CNTN1: variants seen among roughly 807,000 people sequenced by gnomAD.
CNTN1 encodes contactin 1, also known as contactin-1.
A neutral mutation model predicts 126.4 loss-of-function variants in CNTN1; 38 were observed. The ratio of observed to expected loss-of-function variants is 0.30; its 90% CI spans 0.23 to 0.39. The LOEUF is 0.39. Ranked by LOEUF, CNTN1 falls within the 10% of genes least tolerant of loss-of-function variation. The pLI is 1.00. For synonymous variants in CNTN1, 413 were observed against 422.6 expected (o/e 0.98, Z 0.28); for missense variants, 1,009 against 1,248.4 (o/e 0.81, Z 2.89).
chr12:40,693,823 G>A (rs902988798), intron 1 of CNTN1, among the ~76,000 whole-genome samples: 3 of 152,094 alleles, frequency 2.0e-5, no homozygotes, highest in East Asian at 1.9e-4. Flanking sequence ...GGGAAAAGCC[G>A]GAGAAGAAGC....
intron 15 of CNTN1, among the ~76,000 whole-genome samples, chr12:40,974,626 T>A (rs1419873837): frequency 6.6e-6 from 1 of 152,086 alleles, no homozygotes. Context: ...AAAATATTGT[T>A]TTTAGGATAG....
intron 1 of CNTN1, among the ~76,000 whole-genome samples, chr12:40,737,887 TAA>T (rs2097435528): frequency 6.6e-6 from 1 of 151,918 alleles, no homozygotes; most frequent in Non-Finnish European, 1.5e-5. Context: ...ACATCACAAA[TAA>T]AGAGTAATAT....
At chr12:40,885,945 G>A (rs374915243) in intron 1 of CNTN1, among the ~76,000 whole-genome samples, 5 of 152,042 alleles carry the variant, frequency 3.3e-5, no homozygotes, top group South Asian at 2.1e-4. Context: ...GTCATCAATC[G>A]TGTGTTTGTT....
intron 23 of CNTN1, among the ~76,000 whole-genome samples, chr12:41,067,551 G>C (rs1950072001): frequency 6.7e-6 from 1 of 149,194 alleles, no homozygotes; most frequent in Non-Finnish European, 1.5e-5. Context: ...CTCACTCATA[G>C]GTGGGAATTG....
intron 23 of CNTN1, among the ~76,000 whole-genome samples, chr12:41,045,341 C>A (rs527592133): frequency 1.7e-4 from 26 of 152,140 alleles, no homozygotes; most frequent in Admixed American, 3.3e-4. Context: ...AAATTTGTAA[C>A]CCTCTTAGGA....
intron 23 of CNTN1, among the ~76,000 whole-genome samples, chr12:41,038,734 C>T (rs1006720496): frequency 3.3e-5 from 5 of 151,776 alleles, no homozygotes; most frequent in East Asian, 1.9e-4. Context: ...CATTTTAAAG[C>T]GAGGAGGCAA....
At chr12:40,989,699 T>C (rs1948053700) in intron 16 of CNTN1, among the ~76,000 whole-genome samples, 1 of 152,172 alleles carries the variant, frequency 6.6e-6, no homozygotes, top group African/African-American at 2.4e-5. Context: ...AAAAATGTAT[T>C]AAGTACTTCT....
intron 23 of CNTN1, among the ~76,000 whole-genome samples, chr12:41,052,640 G>A (rs1949713746): frequency 6.6e-6 from 1 of 151,872 alleles, no homozygotes; most frequent in Admixed American, 6.6e-5. Flanking sequence ...TAACTTATAA[G>A]TAAATATTTA....
chr12:40,852,726 C>T (rs1003319760), intron 1 of CNTN1, among the ~76,000 whole-genome samples: 14 of 152,044 alleles, frequency 9.2e-5, no homozygotes, highest in African/African-American at 3.4e-4. Flanking sequence ...CTTGAATTCC[C>T]TCTTCTCCTA....
At chr12:41,037,094 G>A (rs961005807) in intron 23 of CNTN1, among the ~76,000 whole-genome samples, 2 of 152,012 alleles carry the variant, frequency 1.3e-5, no homozygotes, top group African/African-American at 4.8e-5. Context: ...ATGTATAAAG[G>A]AAGATTATAA....
At chr12:40,995,936 G>A (rs1039376110) in intron 17 of CNTN1, among the ~76,000 whole-genome samples, 4 of 152,120 alleles carry the variant, frequency 2.6e-5, no homozygotes, top group Non-Finnish European at 5.9e-5. Context: ...AACAGATGAG[G>A]AAGTTAAGAT....
intron 23 of CNTN1, among the ~76,000 whole-genome samples, chr12:41,042,069 C>T (rs1949428072): frequency 6.6e-6 from 1 of 151,928 alleles, no homozygotes; most frequent in Non-Finnish European, 1.5e-5. Context: ...ATAAATTTCC[C>T]CCTACACACT....
chr12:40,721,100 T>C (rs1271109119), intron 1 of CNTN1, among the ~76,000 whole-genome samples: 1 of 152,114 alleles, frequency 6.6e-6, no homozygotes, highest in Non-Finnish European at 1.5e-5. Flanking sequence ...AACAAATGCA[T>C]TAGTTGAATC....
chr12:40,713,242 T>C (rs928234596), intron 1 of CNTN1, among the ~76,000 whole-genome samples: 1 of 151,464 alleles, frequency 6.6e-6, no homozygotes, highest in Non-Finnish European at 1.5e-5. Context: ...TACTGCTTTC[T>C]CAAAAATATA....
intron 6 of CNTN1, among the ~76,000 whole-genome samples, chr12:40,927,494 A>T (rs889019589): frequency 2.6e-5 from 4 of 151,898 alleles, no homozygotes; most frequent in African/African-American, 9.7e-5. Context: ...TTGCTGTATG[A>T]CCTCAGGCAA....
At position 40,936,831 on chromosome 12, in the gene CNTN1, A is replaced by AGT; in HGVS notation, c.1038_1039dup (p.Asp347ValfsTer20). On this transcript the variant is annotated frameshift_variant, in exon 10 of 24. Transcript: ENST00000551295. LOFTEE classifies it high-confidence loss of function. ...CAATGACACAGAGGTGGACATAGGC[A>AGT]GTGATCTCTACTGGCCTTGTGTGGC... is the stretch of plus-strand genomic sequence containing the variant. 6.2e-7 allele frequency: 1 copy of AGT among 1,613,374 alleles called. No homozygotes were observed. The highest frequency in any genetic ancestry group is 8.5e-7 in the Non-Finnish European group (1 of 1,179,422).
chr12:41,009,213 TA>T (rs1948585112), intron 17 of CNTN1, among the ~76,000 whole-genome samples: 1 of 152,228 alleles, frequency 6.6e-6, no homozygotes, highest in South Asian at 2.1e-4. Context: ...TGACTGGGCT[TA>T]AGCAAAAACA....
intron 1 of CNTN1, among the ~76,000 whole-genome samples, chr12:40,748,384 A>G (rs1204624021): frequency 6.6e-6 from 1 of 152,166 alleles, no homozygotes; most frequent in Non-Finnish European, 1.5e-5. Flanking sequence ...ATGGCATAGT[A>G]GCTTGCTAAA....
intron 1 of CNTN1, chr12:40,895,846 C>G (rs927809472): frequency 1.3e-5 from 2 of 151,072 alleles, no homozygotes; most frequent in African/African-American, 2.4e-5. Context: ...CAAGCTCCGC[C>G]TCCCGGGTTC....
Sources: allele counts gnomAD v4.1 joint callset (sites outside exome capture counted in the v4.1 genomes callset), GRCh38; gene constraint gnomAD v4.1.1; transcripts MANE v1.5; gene names NCBI Gene and HGNC (gene_info 2026-07-23, HGNC 2026-07-21).